The following NAALADL2 variants were observed in gnomAD, a reference collection of about 807,000 sequenced individuals.
NAALADL2 encodes the protein inactive N-acetylated-alpha-linked acidic dipeptidase-like protein 2.
NAALADL2 carries 76 observed loss-of-function variants against 87.2 expected under a neutral mutation model. The ratio of observed to expected loss-of-function variants is 0.87; its 90% CI spans 0.72 to 1.05. The LOEUF is 1.05. Among genes scored for constraint, NAALADL2 ranks in the 50% least tolerant of loss-of-function variants. The pLI, the probability that NAALADL2 is intolerant of heterozygous loss-of-function variation, is 0.00. For missense variants in NAALADL2, 1,089 were observed against 945.8 expected (o/e 1.15, Z -1.99); for synonymous variants, 354 against 331.0 (o/e 1.07, Z -0.75).
At chr3:174,501,238 C>T (rs1718869627) in intron 1 of NAALADL2, among the ~76,000 whole-genome samples, 2 of 148,896 alleles carry the variant, frequency 1.3e-5, no homozygotes, top group African/African-American at 5.2e-5. Flanking sequence ...GCCACTACGC[C>T]CGGCTAATTT....
At chr3:175,181,121 G>A (rs1470059453) in intron 2 of NAALADL2, among the ~76,000 whole-genome samples, 1 of 151,954 alleles carries the variant, frequency 6.6e-6, no homozygotes, top group Non-Finnish European at 1.5e-5. Context: ...TTTTGGTGAG[G>A]GACAGGGGAA....
At chr3:175,098,468 G>A (rs1721536026) in intron 2 of NAALADL2, among the ~76,000 whole-genome samples, 1 of 152,126 alleles carries the variant, frequency 6.6e-6, no homozygotes, top group Admixed American at 6.6e-5. Context: ...GAGGGAGAAA[G>A]TGATGGGGCT....
chr3:175,689,099 G>T (rs1341887464), intron 11 of NAALADL2, among the ~76,000 whole-genome samples: 2 of 152,002 alleles, frequency 1.3e-5, no homozygotes, highest in Non-Finnish European at 2.9e-5. Flanking sequence ...ATCTGACAAA[G>T]GTTTTAATAT....
chr3:175,756,962 ATAAT>A (rs1747342040), intron 13 of NAALADL2, among the ~76,000 whole-genome samples: 2 of 151,190 alleles, frequency 1.3e-5, no homozygotes, highest in African/African-American at 4.8e-5. Flanking sequence ...ATGTGTATAT[ATAAT>A]ATACATATGT....
chr3:175,216,671 T>TTC lies in NAALADL2; in HGVS notation c.546-17259_546-17258insCT, dbSNP rs796125332. On this transcript the variant is annotated intron_variant, in intron 2 of 13. Transcript: ENST00000454872. ...TTTTTTTCTTTTTTTTTCTTTTCTT[T>TTC]TTTTTTTTTTTTTTTGAGAAGGTGT... Among the ~76,000 whole-genome samples, 316 of 142,916 alleles carry TTC rather than the reference T, an allele frequency of 2.2e-3. 2 individuals are homozygous for TTC. Among genetic ancestry groups the TTC allele is most frequent in the African/African-American group, 7.0e-3 (265 of 38,048 alleles). The allele number at this position is 142,916 out of a possible 152,430, so 93.8% of individuals were successfully genotyped here. A position where few individuals can be genotyped will look rare whatever the true frequency, so the allele number is the denominator to read the frequency against.
chr3:175,039,704 G>A (rs1296998652), intron 1 of NAALADL2, among the ~76,000 whole-genome samples: 1 of 152,162 alleles, frequency 6.6e-6, no homozygotes, highest in Non-Finnish European at 1.5e-5. Context: ...GAAATAGTTT[G>A]TGGTGCTCTT....
intron 5 of NAALADL2, among the ~76,000 whole-genome samples, chr3:175,326,078 T>C (rs1033585270): frequency 6.6e-6 from 1 of 152,256 alleles, no homozygotes; most frequent in South Asian, 2.1e-4. Context: ...AAAGAAGCCA[T>C]GTAGCACCTT....
chr3:175,612,457 T>G (rs1219404549), intron 10 of NAALADL2, among the ~76,000 whole-genome samples: 1 of 152,214 alleles, frequency 6.6e-6, no homozygotes, highest in Non-Finnish European at 1.5e-5. Flanking sequence ...AAAGGTACTC[T>G]CTTCCTATTC....
At chr3:175,115,592 T>C (rs1724988895) in intron 2 of NAALADL2, among the ~76,000 whole-genome samples, 1 of 151,690 alleles carries the variant, frequency 6.6e-6, no homozygotes, top group East Asian at 1.9e-4. Context: ...AAATTTCTTC[T>C]ATATTTTGAT....
intron 2 of NAALADL2, among the ~76,000 whole-genome samples, chr3:174,553,618 T>A (rs1173416910): frequency 2.0e-5 from 3 of 152,180 alleles, no homozygotes; most frequent in African/African-American, 7.2e-5. Flanking sequence ...GGAATTAGAT[T>A]TAATGAGTTA....
At chr3:175,760,971 G>A (rs2150148348) in intron 13 of NAALADL2, among the ~76,000 whole-genome samples, 1 of 152,236 alleles carries the variant, frequency 6.6e-6, no homozygotes, top group African/African-American at 2.4e-5. Context: ...CCTAGACACA[G>A]TTATCCCAAT....
intron 1 of NAALADL2, among the ~76,000 whole-genome samples, chr3:175,085,710 G>C (rs1718755998): frequency 6.6e-6 from 1 of 152,162 alleles, no homozygotes; most frequent in Non-Finnish European, 1.5e-5. Flanking sequence ...ATGAGGTCAA[G>C]AGATCGAGAC....
intron 4 of NAALADL2, among the ~76,000 whole-genome samples, chr3:175,315,238 G>A (rs1463132097): frequency 6.6e-6 from 1 of 152,118 alleles, no homozygotes; most frequent in Non-Finnish European, 1.5e-5. Context: ...CCTTGCTCAT[G>A]TTGGGATGTT....
intron 11 of NAALADL2, among the ~76,000 whole-genome samples, chr3:175,688,314 C>T (rs1736591389): frequency 6.6e-6 from 1 of 152,024 alleles, no homozygotes; most frequent in African/African-American, 2.4e-5. Flanking sequence ...CAAAATTTTA[C>T]ACAGCTAACT....
At chr3:175,373,060 GCTGCAAT>G (rs1766693769) in intron 5 of NAALADL2, among the ~76,000 whole-genome samples, 1 of 152,108 alleles carries the variant, frequency 6.6e-6, no homozygotes, top group South Asian at 2.1e-4. Flanking sequence ...TAACTACTTG[GCTGCAAT>G]TGAACATGCA....
intron 5 of NAALADL2, among the ~76,000 whole-genome samples, chr3:175,422,651 T>G (rs1388660698): frequency 7.0e-6 from 1 of 143,220 alleles, no homozygotes; most frequent in Admixed American, 7.4e-5. Flanking sequence ...GGCAATCTGC[T>G]AAAGAGACTG....
intron 9 of NAALADL2, among the ~76,000 whole-genome samples, chr3:175,495,093 T>TATATATATATATATATATATATATA (rs1491546516): frequency 8.6e-6 from 1 of 116,682 alleles, no homozygotes; most frequent in African/African-American, 3.1e-5. Context: ...TATATATATA[T>TATATATATATATATATATATATATA]TTTTTTTTAA....
chr3:174,617,813 T>C (rs1035638404), intron 2 of NAALADL2, among the ~76,000 whole-genome samples: 1 of 151,798 alleles, frequency 6.6e-6, no homozygotes, highest in African/African-American at 2.4e-5. Context: ...CTTATTTTTT[T>C]CCTTTTAATG....
chr3:175,529,964 G>T (rs1733882943), intron 9 of NAALADL2, among the ~76,000 whole-genome samples: 2 of 152,162 alleles, frequency 1.3e-5, no homozygotes, highest in East Asian at 1.9e-4. Flanking sequence ...TCACCCCGAG[G>T]AATGGTGCCA....
Sources: allele counts gnomAD v4.1 joint callset (sites outside exome capture counted in the v4.1 genomes callset), GRCh38; gene constraint gnomAD v4.1.1; transcripts MANE v1.5; gene names NCBI Gene and HGNC (gene_info 2026-07-23, HGNC 2026-07-21).